The following STIM1 variants were observed in gnomAD, a reference collection of about 807,000 sequenced individuals.
The protein encoded by STIM1 is stromal interaction molecule 1.
STIM1 carries 25 observed loss-of-function variants against 74.7 expected under a neutral mutation model. The observed-to-expected ratio is 0.33, with a 90% CI of 0.24 to 0.47. STIM1 has a LOEUF of 0.47. STIM1 is among the 20% of genes least tolerant of loss of function. The pLI is 1.00. For synonymous variants in STIM1, 328 were observed against 348.8 expected (o/e 0.94, Z 0.66); for missense variants, 728 against 920.8 (o/e 0.79, Z 2.71).
intron 1 of STIM1, among the ~76,000 whole-genome samples, chr11:3,886,215 C>G (rs949618008): frequency 1.3e-5 from 2 of 152,108 alleles, no homozygotes; most frequent in Non-Finnish European, 2.9e-5. Flanking sequence ...TCACTGGGAA[C>G]CCAATGATAA....
In STIM1 at chr11:4,000,041, C is replaced by T. The variant is rs1021606624; in HGVS notation, c.271-23832C>T. On this transcript the variant is annotated intron_variant, in intron 2 of 12. Coordinates refer to ENST00000526596, the MANE Select transcript of STIM1 (RefSeq NM_001382567.1). Reference sequence around the variant, plus strand: ...GCAGCGAGGCTGGGGGAGGGGCGCCCGCCATTGCCCAGGCTCGCTTAGGTA... The same window carrying T: ...GCAGCGAGGCTGGGGGAGGGGCGCCTGCCATTGCCCAGGCTCGCTTAGGTA... Among the ~76,000 whole-genome samples the T allele has an allele frequency of 3.3e-5, 5 of 152,044 alleles. No individual in the cohort carries two copies. The East Asian group carries it at 5.9e-4, about 18-fold the overall frequency.
intron 8 of STIM1, 65 bp downstream of exon 8, chr11:4,082,416 C>T (rs2094470134): frequency 1.4e-6 from 2 of 1,472,990 alleles, no homozygotes; most frequent in African/African-American, 1.4e-5. Flanking sequence ...ACCTGCATAT[C>T]TTCCTCTTCT....
At chr11:4,010,651 A>G (rs577267839) in intron 2 of STIM1, among the ~76,000 whole-genome samples, 1 of 152,144 alleles carries the variant, frequency 6.6e-6, no homozygotes, top group Non-Finnish European at 1.5e-5. Context: ...AGAGAGGCAA[A>G]GTAGCTTGCC....
intron 1 of STIM1, among the ~76,000 whole-genome samples, chr11:3,869,338 G>A (rs558027994): frequency 2.0e-5 from 3 of 152,138 alleles, no homozygotes; most frequent in African/African-American, 7.2e-5. Context: ...TCCTCACATC[G>A]GGTCTCTCAC....
chr11:3,971,771 C>T (rs55679086), intron 2 of STIM1, among the ~76,000 whole-genome samples: 8,051 of 152,200 alleles, frequency 0.053, 353 homozygotes, highest in East Asian at 0.18. Context: ...CCACAATGTA[C>T]CAAAAGTACT....
chr11:3,967,722 G>A (rs759267042), intron 2 of STIM1, 40 bp downstream of exon 2: 1 of 1,613,404 alleles, frequency 6.2e-7, no homozygotes, highest in East Asian at 2.2e-5. Flanking sequence ...TTTTCTTCCT[G>A]TGTGAATTAG....
chr11:3,995,411 T>A (rs1409089304), intron 2 of STIM1, among the ~76,000 whole-genome samples: 1 of 152,184 alleles, frequency 6.6e-6, no homozygotes, highest in African/African-American at 2.4e-5. Context: ...CTGATGTTGC[T>A]CCTCAGAGGA....
At chr11:3,873,709 G>A (rs1220930868) in intron 1 of STIM1, among the ~76,000 whole-genome samples, 3 of 152,112 alleles carry the variant, frequency 2.0e-5, no homozygotes, top group Admixed American at 1.3e-4. Context: ...GTTTACCTAC[G>A]CAGGAAGGGT....
chr11:3,934,282 C>T (rs1004166381), intron 1 of STIM1, among the ~76,000 whole-genome samples: 2 of 151,978 alleles, frequency 1.3e-5, no homozygotes, highest in African/African-American at 2.4e-5. Flanking sequence ...AAGTGGGGTC[C>T]CAAATAAAAC....
At chr11:3,965,732 G>A (rs778278017) in intron 1 of STIM1, among the ~76,000 whole-genome samples, 2 of 152,234 alleles carry the variant, frequency 1.3e-5, no homozygotes, top group South Asian at 2.1e-4. Context: ...CAGGCTGGGC[G>A]TGGTGGCCCA....
At chr11:3,930,512 AG>A (rs2092846469) in intron 1 of STIM1, among the ~76,000 whole-genome samples, 1 of 152,192 alleles carries the variant, frequency 6.6e-6, no homozygotes, top group Non-Finnish European at 1.5e-5. Flanking sequence ...GAGGGGAATA[AG>A]GCCTATCAGG....
chr11:3,929,137 C>T (rs141116872), intron 1 of STIM1, among the ~76,000 whole-genome samples: 1 of 152,368 alleles, frequency 6.6e-6, no homozygotes, highest in Non-Finnish European at 1.5e-5. Context: ...AGGCATACAT[C>T]TGGCCGATGA....
At chr11:3,883,418 T>C (rs2091591141) in intron 1 of STIM1, among the ~76,000 whole-genome samples, 1 of 152,206 alleles carries the variant, frequency 6.6e-6, no homozygotes, top group Non-Finnish European at 1.5e-5. Flanking sequence ...TGCAATGGCA[T>C]GATCTTGGCT....
chr11:3,951,209 A>G (rs1156915560), intron 1 of STIM1, among the ~76,000 whole-genome samples: 1 of 152,168 alleles, frequency 6.6e-6, no homozygotes, highest in African/African-American at 2.4e-5. Flanking sequence ...CCCAGCTGAG[A>G]AAGGCATCCT....
chr11:3,898,527 C>T (rs1344089838), intron 1 of STIM1, among the ~76,000 whole-genome samples: 10 of 139,778 alleles, frequency 7.2e-5, no homozygotes, highest in African/African-American at 2.7e-4. Flanking sequence ...TAATTAGATC[C>T]CATTTGTCAA....
At chr11:3,881,875 T>C (rs2091519816) in intron 1 of STIM1, among the ~76,000 whole-genome samples, 1 of 151,612 alleles carries the variant, frequency 6.6e-6, no homozygotes, top group Non-Finnish European at 1.5e-5. Context: ...GTTCGCCATG[T>C]TGGCCAAGCT....
intron 3 of STIM1, among the ~76,000 whole-genome samples, chr11:4,045,393 G>A (rs1360037392): frequency 2.6e-5 from 4 of 151,742 alleles, no homozygotes; most frequent in Non-Finnish European, 4.4e-5. Context: ...TCTGCAATGC[G>A]TTAGGATATA....
intron 3 of STIM1, among the ~76,000 whole-genome samples, chr11:4,049,820 C>T (rs2094225646): frequency 6.6e-6 from 1 of 151,776 alleles, no homozygotes; most frequent in African/African-American, 2.4e-5. Flanking sequence ...TTGGCTTTCC[C>T]AGTTCCTAGC....
At chr11:3,975,115 T>C (rs943220069) in intron 2 of STIM1, among the ~76,000 whole-genome samples, 2 of 152,236 alleles carry the variant, frequency 1.3e-5, no homozygotes, top group African/African-American at 4.8e-5. Context: ...GTGATCTGTA[T>C]GTCACAGGTG....
Sources: gnomAD v4.1 joint callset for allele counts (sites outside exome capture counted in the v4.1 genomes callset) on GRCh38, gnomAD v4.1.1 for gene constraint, MANE v1.5 for transcripts, NCBI Gene and HGNC (gene_info 2026-07-23, HGNC 2026-07-21) for gene names.